NIPSNAP1: variants seen among roughly 807,000 people sequenced by gnomAD.
The protein encoded by NIPSNAP1 is nipsnap homolog 1.
Under a neutral mutation model 49.2 loss-of-function variants are expected in NIPSNAP1, and 25 were observed. The ratio of observed to expected loss-of-function variants is 0.51; its 90% confidence interval spans 0.37 to 0.71. The LOEUF (loss-of-function observed/expected upper bound fraction) is 0.71, where lower values mean the gene tolerates loss of function less well. Ranked by LOEUF, NIPSNAP1 falls within the 30% of genes least tolerant of loss-of-function variation. NIPSNAP1 has a pLI of 0.00. For synonymous variants in NIPSNAP1, 143 were observed against 140.7 expected, an observed-to-expected ratio of 1.02 and a Z score of -0.12; for missense variants, 294 against 361.0, an observed-to-expected ratio of 0.81 and a Z score of 1.50.
chr22:29,579,706 G>A (rs2064483342), intron 1 of NIPSNAP1: 3 of 199,418 alleles, frequency 1.5e-5, no homozygotes, highest in South Asian at 9.4e-5. Flanking sequence ...GGGATTACAG[G>A]CATGAGCCAC....
intron 1 of NIPSNAP1, among the ~76,000 whole-genome samples, chr22:29,571,168 A>C (rs1442402795): frequency 6.6e-6 from 1 of 152,138 alleles, no homozygotes; most frequent in East Asian, 1.9e-4. Context: ...AGGAGCTCAT[A>C]GTCCACTAGG....
In NIPSNAP1 at chr22:29,561,501, G is replaced by C. The variant is rs2064335433; in HGVS notation, c.579+5C>G. On this transcript the variant is annotated splice_donor_5th_base_variant and intron_variant, in intron 6 of 9. Transcript: ENST00000216121. ...GGCAGGAGGGGGTCTGTCGGAGGGA[G>C]GCACCTTGAGCTTGTATGTCCTCAG... 2 of 1,613,980 alleles carry C rather than the reference G, an allele frequency of 1.2e-6. No individual in the cohort carries two copies. Among genetic ancestry groups the C allele is most frequent in the Non-Finnish European group, 1.7e-6 (2 of 1,179,924 alleles).
intron 4 of NIPSNAP1, among the ~76,000 whole-genome samples, chr22:29,568,879 G>A (rs901499789): frequency 7.2e-5 from 11 of 152,214 alleles, no homozygotes; most frequent in Admixed American, 3.9e-4. Flanking sequence ...AGAATGAGCA[G>A]TAGTCTGGAA....
At chr22:29,569,873 G>A (rs1466636976) in intron 3 of NIPSNAP1, 2 of 444,928 alleles carry the variant, frequency 4.5e-6, no homozygotes, top group South Asian at 2.1e-5. Flanking sequence ...CCTGTAATCC[G>A]AGCTACTTGG....
In NIPSNAP1 at chr22:29,570,516, T is replaced by C. The variant is rs769424456; in HGVS notation, c.115A>G (p.Asn39Asp). ...AAAARFYSKDNEGSWFRSLFV... is the reference protein window; with the variant it reads ...AAAARFYSKDDEGSWFRSLFV... ...AGGGAGCGGAACCAGCTGCCTTCATTGTCCTTGGAATAGAAACTGCAGGAC... is the reference window on the plus strand; with the variant it reads ...AGGGAGCGGAACCAGCTGCCTTCATCGTCCTTGGAATAGAAACTGCAGGAC... Residue 39 changes from asparagine (N) to aspartate (D), a missense_variant, in exon 2 of 10, where the codon AAT (asparagine) becomes GAT (aspartate). By Grantham distance (23) the Asn-to-Asp change is conservative. This residue lies in a region of NIPSNAP1 where 88 missense variants were observed against 76.1 expected (regional missense o/e 1.16). Transcript: ENST00000216121. 1 of 1,613,834 alleles carries C rather than the reference T, an allele frequency of 6.2e-7. No homozygotes were observed. Among genetic ancestry groups the C allele is most frequent in the Non-Finnish European group, 8.5e-7 (1 of 1,179,892 alleles).
intron 8 of NIPSNAP1, among the ~76,000 whole-genome samples, chr22:29,560,332 C>T (rs761947119): frequency 4.0e-4 from 61 of 151,892 alleles, no homozygotes; most frequent in Non-Finnish European, 7.8e-4. Flanking sequence ...ACTGCAACCT[C>T]CACCTCCCGG....
Position 29,562,620 on chromosome 22 carries a change from G to A in NIPSNAP1, c.368-758C>T, listed in dbSNP as rs565065004. On this transcript the variant is annotated intron_variant, in intron 4 of 9. Coordinates refer to ENST00000216121, the MANE Select transcript of NIPSNAP1 (RefSeq NM_003634.4). The stretch of plus-strand genomic sequence containing the variant: ...GCAGGAGAATCACTTGAACCTGGGA[G>A]GCAGAGGTGGCGGTGAGCCAAGATT... Among the ~76,000 whole-genome samples the A allele has an allele frequency of 7.9e-5, 12 of 152,052 alleles. No homozygotes were observed. In the South Asian group the frequency reaches 1.5e-3, roughly 18 times the overall value.
At chr22:29,558,474 T>TAAATA (rs1158450364) in intron 9 of NIPSNAP1, among the ~76,000 whole-genome samples, 2 of 151,726 alleles carry the variant, frequency 1.3e-5, no homozygotes, top group Admixed American at 6.6e-5. Flanking sequence ...GTCTCAAAAA[T>TAAATA]AAATAAAATA....
intron 1 of NIPSNAP1, among the ~76,000 whole-genome samples, chr22:29,572,806 T>TAAAA (rs695508): frequency 2.0e-5 from 3 of 150,372 alleles, no homozygotes; most frequent in African/African-American, 7.3e-5. Flanking sequence ...CTCAAAAAAA[T>TAAAA]AAAATAAAAT....
In NIPSNAP1 at chr22:29,569,249, T is replaced by C; in HGVS notation, c.311A>G (p.Tyr104Cys). ...VLPKLHLDED[Y>C]PCSLVGNWNT... is the part of the protein sequence containing the mutation. Reference sequence around the variant, plus strand: ...CCAGTTGCCCACGAGTGAGCATGGGTAGTCCTCATCCAGGTGAAGCTTGGG... The same window carrying C: ...CCAGTTGCCCACGAGTGAGCATGGGCAGTCCTCATCCAGGTGAAGCTTGGG... Residue 104 changes from tyrosine to cysteine, a missense_variant, in exon 4 of 10, where the codon TAC becomes TGC. Tyr to Cys is a radical substitution (Grantham distance 194, BLOSUM62 -2). Coordinates refer to ENST00000216121, the MANE Select transcript of NIPSNAP1 (RefSeq NM_003634.4). The C allele has an allele frequency of 6.2e-7, 1 of 1,613,940 alleles. No individual in the cohort carries two copies. Among genetic ancestry groups the C allele is most frequent in the Non-Finnish European group, 8.5e-7 (1 of 1,179,946 alleles).
chr22:29,558,049 G>C (rs1425062268), intron 9 of NIPSNAP1, among the ~76,000 whole-genome samples: 3 of 152,154 alleles, frequency 2.0e-5, no homozygotes, highest in Admixed American at 1.3e-4. Context: ...GACTGCTTGA[G>C]CCCAGGAGTT....
In NIPSNAP1 at chr22:29,577,078, TTTTTC is replaced by T. The variant is rs560216956; in HGVS notation, c.98+3902_98+3906del. ...GATCCTAGCTCAGCTTCATCTTTCT[TTTTTC>T]TTCTATTTTTTTTTTCTTTTTTCGA... On this transcript the variant is annotated intron_variant, in intron 1 of 9. Coordinates refer to ENST00000216121, the MANE Select transcript of NIPSNAP1 (RefSeq NM_003634.4). Among the ~76,000 whole-genome samples, 161 of 148,674 alleles carry T rather than the reference TTTTTC, an allele frequency of 1.1e-3. 1 individual carries two copies. The highest frequency in any genetic ancestry group is 3.6e-3 in the African/African-American group (142 of 39,916).
intron 1 of NIPSNAP1, chr22:29,580,078 A>C: frequency 7.7e-7 from 1 of 1,303,206 alleles, no homozygotes; most frequent in Non-Finnish European, 1.0e-6. Flanking sequence ...AGGTTGGGGG[A>C]GGGGGAACAG....
chr22:29,558,466 C>G (rs2064311194), intron 9 of NIPSNAP1, among the ~76,000 whole-genome samples: 1 of 151,970 alleles, frequency 6.6e-6, no homozygotes, highest in Admixed American at 6.6e-5. Context: ...GAGACTGTGT[C>G]TCAAAAATAA....
chr22:29,561,901 G>A, intron 4 of NIPSNAP1, 39 bp from the exon 5 acceptor site: 1 of 1,604,436 alleles, frequency 6.2e-7, no homozygotes, highest in Non-Finnish European at 8.5e-7. Context: ...GAGCTGCTGG[G>A]ACCCCCAGCA....
chr22:29,556,520 G>A (rs576073344), intron 9 of NIPSNAP1, among the ~76,000 whole-genome samples: 55 of 151,454 alleles, frequency 3.6e-4, no homozygotes, highest in African/African-American at 1.3e-3. Flanking sequence ...GCAAAACTCC[G>A]TCTCAAAAAA....
Position 29,574,345 on chromosome 22 carries a change from T to C in NIPSNAP1, c.99-3813A>G, listed in dbSNP as rs186237854. 2.0e-3 allele frequency among the ~76,000 whole-genome samples: 304 copies of C among 151,460 alleles called. 1 individual carries two copies. Among genetic ancestry groups the C allele is most frequent in the Non-Finnish European group, 3.1e-3 (213 of 67,924 alleles). On this transcript the variant is annotated intron_variant, in intron 1 of 9. Transcript: ENST00000216121. ...CTTGTCCCAAACTGTTAATACTGCT[T>C]ACCTGGGAAAGAGGAATAGGAGATG... is the stretch of plus-strand genomic sequence containing the variant.
At position 29,555,738 on chromosome 22, in the gene NIPSNAP1, GGGA is replaced by G. The variant is rs2064289371; in HGVS notation, c.*194_*196del. The G allele has an allele frequency of 6.6e-6, 4 of 606,856 alleles. No homozygotes were observed. The highest frequency in any genetic ancestry group is 1.2e-5 in the Non-Finnish European group (4 of 331,274). The allele number at this position is 606,856 out of a possible 1,614,324, so 37.6% of individuals were successfully genotyped here. On this transcript the variant is annotated 3_prime_UTR_variant, in exon 10 of 10. Coordinates refer to ENST00000216121, the MANE Select transcript of NIPSNAP1 (RefSeq NM_003634.4). ...TCTAGCAGGGGGAGGGAGGCAGGCAGGGAAAGTAGAAAGGGCCTGGGCAGAGCT... is the reference window on the plus strand; with the variant it reads ...TCTAGCAGGGGGAGGGAGGCAGGCAGAAGTAGAAAGGGCCTGGGCAGAGCT...
chr22:29,557,979 AAGGC>A (rs2064307641), intron 9 of NIPSNAP1, among the ~76,000 whole-genome samples: 1 of 152,148 alleles, frequency 6.6e-6, no homozygotes, highest in Non-Finnish European at 1.5e-5. Context: ...AAACTTGTTC[AAGGC>A]TGGGCACAGT....
Sources: allele counts gnomAD v4.1 joint callset (sites outside exome capture counted in the v4.1 genomes callset), GRCh38; gene constraint gnomAD v4.1.1; regional missense constraint gnomAD v4.1.1; transcripts MANE v1.5; gene names NCBI Gene and HGNC (gene_info 2026-07-23, HGNC 2026-07-21).